The following RBM19 variants were observed in gnomAD, a reference collection of about 807,000 sequenced individuals.
The protein encoded by RBM19 is probable RNA-binding protein 19.
A neutral mutation model predicts 116.8 loss-of-function variants in RBM19; 94 were observed. That is an observed-to-expected ratio of 0.80 (90% CI 0.68 to 0.95). The LOEUF (loss-of-function observed/expected upper bound fraction) is 0.95. RBM19 is among the 40% of genes least tolerant of loss of function. The pLI is 0.00. For missense variants in RBM19, 1,161 were observed against 1,220.7 expected (o/e 0.95, Z 0.73); for synonymous variants, 475 against 494.1 (o/e 0.96, Z 0.51).
chr12:113,865,451 C>T (rs1046792605), intron 21 of RBM19, among the ~76,000 whole-genome samples: 1 of 152,176 alleles, frequency 6.6e-6, no homozygotes, highest in Non-Finnish European at 1.5e-5. Flanking sequence ...TCTTTCCTCT[C>T]ATTTTGCTAG....
chr12:113,928,938 A>C (rs1047001853), intron 16 of RBM19, among the ~76,000 whole-genome samples: 1 of 152,124 alleles, frequency 6.6e-6, no homozygotes, highest in African/African-American at 2.4e-5. Context: ...AAACTGTCTT[A>C]GCAACTCTTC....
rs1467577150 is a variant in RBM19 at position 113,962,105 on chromosome 12, C to T, written c.219+127G>A. On this transcript the variant is annotated intron_variant, in intron 2 of 23. Coordinates refer to ENST00000261741, the MANE Select transcript of RBM19 (RefSeq NM_016196.4). ...TGTATGCACATGAAAGTGTGTGAAT[C>T]GGTGAGGAAGAAAACCAAAGACATC... The T allele has an allele frequency of 7.1e-6, 8 of 1,134,424 alleles. No individual in the cohort carries two copies. The East Asian group carries it at 7.3e-5, about 10-fold the overall frequency. 70.3% of individuals were successfully genotyped at this position (1,134,424 alleles called of 1,614,324 possible).
At chr12:113,890,242 C>T (rs756836558) in intron 21 of RBM19, among the ~76,000 whole-genome samples, 6 of 152,346 alleles carry the variant, frequency 3.9e-5, no homozygotes, top group South Asian at 2.1e-4. Context: ...CTGGGGCTGC[C>T]GGAGCTGAGC....
chr12:113,957,677 G>A, intron 6 of RBM19, 105 bp downstream of exon 6: 1 of 1,451,658 alleles, frequency 6.9e-7, no homozygotes, highest in South Asian at 1.6e-5. Context: ...CTGCAGAGCT[G>A]CGTCTTTCCC....
chr12:113,941,293 C>T lies in RBM19; in HGVS notation c.1737+1031G>A, dbSNP rs377136434. Among the ~76,000 whole-genome samples, 7 of 148,620 alleles carry T rather than the reference C, an allele frequency of 4.7e-5. No homozygotes were observed. The South Asian group carries it at 8.6e-4, about 18-fold the overall frequency. Reference sequence around the variant, plus strand: ...TGGGCCTTTTAGGTGCAACTCAGGCCGCAGTGTTACAGTTAGAGAGACAGA... The same window carrying T: ...TGGGCCTTTTAGGTGCAACTCAGGCTGCAGTGTTACAGTTAGAGAGACAGA... On this transcript the variant is annotated intron_variant, in intron 14 of 23. Coordinates refer to ENST00000261741, the MANE Select transcript of RBM19 (RefSeq NM_016196.4).
intron 21 of RBM19, among the ~76,000 whole-genome samples, chr12:113,871,475 CAAT>C (rs1879200864): frequency 6.6e-6 from 1 of 151,922 alleles, no homozygotes; most frequent in Admixed American, 6.6e-5. Flanking sequence ...GTCAGACAGT[CAAT>C]AATTTTAGCT....
chr12:113,951,498 C>T (rs920582462), intron 8 of RBM19, among the ~76,000 whole-genome samples: 2 of 151,950 alleles, frequency 1.3e-5, no homozygotes, highest in Non-Finnish European at 2.9e-5. Flanking sequence ...ATTCATGCAA[C>T]TTGGTGAGAC....
At chr12:113,929,883 G>C (rs996213952) in intron 16 of RBM19, among the ~76,000 whole-genome samples, 7 of 152,158 alleles carry the variant, frequency 4.6e-5, no homozygotes, top group African/African-American at 1.2e-4. Context: ...TGGTGAGACA[G>C]GTTCATGGAA....
At chr12:113,942,595 T>C (rs1037062008) in intron 13 of RBM19, among the ~76,000 whole-genome samples, 161 bp from the exon 14 acceptor site, 3 of 28,384 alleles carry the variant, frequency 1.1e-4, no homozygotes, top group Admixed American at 2.5e-4. Flanking sequence ...GGCTCTGTGC[T>C]TTTTTTTTTT....
At chr12:113,907,040 C>A (rs563647119) in intron 21 of RBM19, among the ~76,000 whole-genome samples, 5 of 152,138 alleles carry the variant, frequency 3.3e-5, no homozygotes, top group Non-Finnish European at 4.4e-5. Flanking sequence ...AGGAAGGATC[C>A]CCCCTGCAGC....
At position 113,948,862 on chromosome 12, in the gene RBM19, T is replaced by C. The variant is rs754778947; in HGVS notation, c.1247A>G (p.Glu416Gly). 133 of 1,614,072 alleles carry C rather than the reference T, an allele frequency of 8.2e-5. No individual in the cohort carries two copies. The highest frequency in any genetic ancestry group is 1.1e-4 in the Non-Finnish European group (130 of 1,180,036). Residue 416 changes from glutamate to glycine, a missense_variant, in exon 10 of 24, where the codon GAG becomes GGG. Coordinates refer to ENST00000261741, the MANE Select transcript of RBM19 (RefSeq NM_016196.4). ...VRNLPYTSTE[E>G]DLEKLFSKYG... ...TTTGGAGAAGAGCTTCTCCAGATCC[T>C]CCTCGGTGCTGGTGTAGGGCAGGTT...
At chr12:113,908,573 CAAAAAAAAAAAA>C (rs11338829) in intron 21 of RBM19, among the ~76,000 whole-genome samples, 4 of 33,218 alleles carry the variant, frequency 1.2e-4, no homozygotes, top group Admixed American at 5.1e-4. Context: ...AAGAAAATAG[CAAAAAAAAAAAA>C]AAAAAAAAAA....
intron 16 of RBM19, among the ~76,000 whole-genome samples, chr12:113,935,200 C>T (rs1215367686): frequency 1.3e-5 from 2 of 152,148 alleles, no homozygotes. Flanking sequence ...CCCAGCCTGC[C>T]TCCTGTTGCC....
At chr12:113,915,364 G>C (rs1882712193) in intron 20 of RBM19, among the ~76,000 whole-genome samples, 1 of 152,156 alleles carries the variant, frequency 6.6e-6, no homozygotes, top group Admixed American at 6.5e-5. Flanking sequence ...GCCCCGCTAA[G>C]GGTGGGGCTG....
In RBM19 at chr12:113,872,509, C is replaced by T. The variant is rs1327366376; in HGVS notation, c.2559-13613G>A. On this transcript the variant is annotated intron_variant, in intron 21 of 23. Transcript: ENST00000261741. Reference sequence around the variant, plus strand: ...CCTCTGCCCGGCCAGCCGCCCCATCCGGGAGGGAGGTGGGGGTGTCGGCCC... The same window carrying T: ...CCTCTGCCCGGCCAGCCGCCCCATCTGGGAGGGAGGTGGGGGTGTCGGCCC... 2.1e-4 allele frequency among the ~76,000 whole-genome samples: 27 copies of T among 130,376 alleles called. No individual in the cohort carries two copies. The East Asian group carries it at 5.2e-3, about 25-fold the overall frequency. The allele number at this position is 130,376 out of a possible 152,430, so 85.5% of individuals were successfully genotyped here.
chr12:113,838,663 C>A (rs1426277366), intron 23 of RBM19, among the ~76,000 whole-genome samples: 1 of 152,190 alleles, frequency 6.6e-6, no homozygotes, highest in African/African-American at 2.4e-5. Flanking sequence ...TAGTACCTGG[C>A]CGCCAAGTAA....
intron 21 of RBM19, among the ~76,000 whole-genome samples, chr12:113,894,002 A>C (rs970980226): frequency 6.6e-6 from 1 of 152,208 alleles, no homozygotes; most frequent in African/African-American, 2.4e-5. Flanking sequence ...CAAGCTTGGC[A>C]CTGAAGATCA....
At chr12:113,958,222 G>A (rs896175026) in intron 5 of RBM19, among the ~76,000 whole-genome samples, 172 bp from the exon 6 acceptor site, 1 of 152,058 alleles carries the variant, frequency 6.6e-6, no homozygotes, top group Middle Eastern at 3.2e-3. Context: ...ATACCAAAAC[G>A]GGGCAGGGCT....
At chr12:113,824,052 G>C (rs1874646463) in intron 23 of RBM19, among the ~76,000 whole-genome samples, 1 of 152,202 alleles carries the variant, frequency 6.6e-6, no homozygotes, top group Non-Finnish European at 1.5e-5. Context: ...TGTGAGGAGA[G>C]GGGATTCAGG....
Sources: gnomAD v4.1 joint callset for allele counts (sites outside exome capture counted in the v4.1 genomes callset) on GRCh38, gnomAD v4.1.1 for gene constraint, MANE v1.5 for transcripts, NCBI Gene and HGNC (gene_info 2026-07-23, HGNC 2026-07-21) for gene names.